OTOGL: variants seen among roughly 807,000 people sequenced by gnomAD.
OTOGL encodes otogelin like.
In OTOGL, 285 loss-of-function variants were observed where a neutral mutation model predicts 318.5. The observed-to-expected ratio is 0.89, with a 90% confidence interval of 0.81 to 0.99. The LOEUF is 0.99. Among genes scored for constraint, OTOGL ranks in the 50% least tolerant of loss-of-function variants. The pLI is 0.00. For synonymous variants in OTOGL, 987 were observed against 936.5 expected (o/e 1.05, Z -0.99); for missense variants, 2,899 against 2,845.6 (o/e 1.02, Z -0.43).
At chr12:80,120,811 A>C (rs1870444135) in intron 1 of OTOGL, among the ~76,000 whole-genome samples, 1 of 152,180 alleles carries the variant, frequency 6.6e-6, no homozygotes, top group Non-Finnish European at 1.5e-5. Flanking sequence ...CCCAGGGACT[A>C]TCTCTACCCC....
rs1275314877 is a variant in OTOGL at position 80,370,662 on chromosome 12, C to G, written c.6708C>G (p.Pro2236=). The change falls in exon 56 of 59, where the codon CCC becomes CCG. Residue 2236 remains proline (P), a synonymous_variant. Transcript: ENST00000547103. ...AIILNYTMVC[P]PFNETECKMN... ...TTCTGAACTACACAATGGTCTGTCC[C>G]CCTTTTAATGAGACTGAATGCAAAA... 1.3e-6 allele frequency: 2 copies of G among 1,588,646 alleles called. No individual in the cohort carries two copies. Among genetic ancestry groups the G allele is most frequent in the African/African-American group, 1.4e-5 (1 of 74,060 alleles).
chr12:80,255,632 A>G (rs766682452), intron 16 of OTOGL, among the ~76,000 whole-genome samples: 1 of 151,940 alleles, frequency 6.6e-6, no homozygotes, highest in East Asian at 1.9e-4. Flanking sequence ...GTTTCATAGC[A>G]TTCTAAACAG....
chr12:80,287,451 T>G (rs547858060), intron 26 of OTOGL, among the ~76,000 whole-genome samples: 1 of 151,890 alleles, frequency 6.6e-6, no homozygotes, highest in South Asian at 2.1e-4. Flanking sequence ...CTGAATATCC[T>G]TGTTAATTTT....
chr12:80,249,708 C>G (rs11503511), intron 11 of OTOGL, among the ~76,000 whole-genome samples: 12 of 152,018 alleles, frequency 7.9e-5, no homozygotes, highest in East Asian at 1.9e-4. Flanking sequence ...TCGAGCTTCC[C>G]GGCTGCTTTG....
chr12:80,166,994 G>A (rs529360175), intron 1 of OTOGL, among the ~76,000 whole-genome samples: 2 of 152,276 alleles, frequency 1.3e-5, no homozygotes, highest in Non-Finnish European at 2.9e-5. Flanking sequence ...GAATTTCGGG[G>A]AGGAATAACT....
chr12:80,319,238 A>G (rs2137826757), intron 33 of OTOGL, among the ~76,000 whole-genome samples: 1 of 152,166 alleles, frequency 6.6e-6, no homozygotes, highest in East Asian at 1.9e-4. Context: ...ACTGGTTTGC[A>G]CCTGCAGGTC....
At chr12:80,154,073 C>T (rs1872959544) in intron 1 of OTOGL, among the ~76,000 whole-genome samples, 1 of 152,136 alleles carries the variant, frequency 6.6e-6, no homozygotes, top group East Asian at 1.9e-4. Context: ...CTTTGGGAGG[C>T]CGAGGTGGGT....
intron 25 of OTOGL, 64 bp from the exon 26 acceptor site, chr12:80,278,964 G>C: frequency 6.5e-7 from 1 of 1,531,426 alleles, no homozygotes; most frequent in South Asian, 1.1e-5. Flanking sequence ...CAATGTTGCT[G>C]TCACTTGAAA....
At position 80,355,794 on chromosome 12, in the gene OTOGL, T is replaced by C. The variant is rs2071956834; in HGVS notation, c.5652T>C (p.Ile1884=). ...RTAGEIWNGG[I]DECTLYKCLE... ...CTGGGGAGATTTGGAATGGGGGCATTGATGAATGCACTCTATACAAATGTT... is the reference window on the plus strand; with the variant it reads ...CTGGGGAGATTTGGAATGGGGGCATCGATGAATGCACTCTATACAAATGTT... The change falls in exon 47 of 59, where the codon ATT becomes ATC. Residue 1884 remains isoleucine (I), a synonymous_variant. Transcript: ENST00000547103. The C allele has an allele frequency of 6.2e-7, 1 of 1,613,732 alleles. No homozygotes were observed. The highest frequency in any genetic ancestry group is 1.3e-5 in the African/African-American group (1 of 74,922).
At chr12:80,242,031 C>A (rs950076528) in intron 11 of OTOGL, among the ~76,000 whole-genome samples, 1 of 152,158 alleles carries the variant, frequency 6.6e-6, no homozygotes, top group African/African-American at 2.4e-5. Context: ...AACTTGGATA[C>A]ATGGCCACAC....
chr12:80,307,090 T>C (rs372789119), intron 29 of OTOGL, among the ~76,000 whole-genome samples: 1 of 150,394 alleles, frequency 6.6e-6, no homozygotes, highest in Non-Finnish European at 1.5e-5. Flanking sequence ...CCTGAGTGGA[T>C]ACAGCACATG....
chr12:80,308,606 C>G (rs1318647263), intron 29 of OTOGL, among the ~76,000 whole-genome samples: 1 of 152,124 alleles, frequency 6.6e-6, no homozygotes, highest in Non-Finnish European at 1.5e-5. Context: ...TTTGGGAGGC[C>G]AAGGCAGGCT....
intron 34 of OTOGL, 74 bp downstream of exon 34, chr12:80,320,774 T>A: frequency 7.2e-7 from 1 of 1,383,792 alleles, no homozygotes; most frequent in Non-Finnish European, 9.5e-7. Context: ...TGTCTTTAAT[T>A]TAAAAACCAT....
intron 26 of OTOGL, among the ~76,000 whole-genome samples, chr12:80,289,029 C>A (rs552500718): frequency 6.6e-6 from 1 of 152,100 alleles, no homozygotes; most frequent in Non-Finnish European, 1.5e-5. Flanking sequence ...TGCTCTTCTT[C>A]GTGGATTTAT....
At chr12:80,107,299 A>G (rs1303927222) in intron 1 of OTOGL, among the ~76,000 whole-genome samples, 2 of 152,352 alleles carry the variant, frequency 1.3e-5, no homozygotes, top group African/African-American at 2.4e-5. Flanking sequence ...GAAGGCATAC[A>G]TGTGGCTAAC....
chr12:80,328,254 G>A (rs749735158), intron 35 of OTOGL, among the ~76,000 whole-genome samples: 13 of 151,972 alleles, frequency 8.6e-5, no homozygotes, highest in Non-Finnish European at 1.9e-4. Context: ...AGGAGGATGA[G>A]GCTGCAGTGA....
chr12:80,358,833 G>A (rs774180891), intron 51 of OTOGL, 27 bp from the exon 52 acceptor site: 2 of 1,537,268 alleles, frequency 1.3e-6, no homozygotes, highest in Non-Finnish European at 1.8e-6. Flanking sequence ...TTTGATCAAT[G>A]TAAATATGTT....
intron 1 of OTOGL, chr12:80,208,340 T>TCAGAAGTCATTG: frequency 2.4e-6 from 1 of 419,972 alleles, no homozygotes; most frequent in South Asian, 1.7e-5. Context: ...TAGAAAAGAC[T>TCAGAAGTCATTG]CAGAAGTCAT....
At position 80,272,342 on chromosome 12, in the gene OTOGL, A is replaced by ATG. The variant is rs56364698; in HGVS notation, c.2681+578_2681+579dup. On this transcript the variant is annotated intron_variant, in intron 24 of 58. Transcript: ENST00000547103. Reference sequence around the variant, plus strand: ...TTTTAAGCCTCAATTAGGCATTGTGATGTGTGTGTGTGTGTGTGTGTGTGT... The same window carrying ATG: ...TTTTAAGCCTCAATTAGGCATTGTGATGTGTGTGTGTGTGTGTGTGTGTGTGT... 2.5e-3 allele frequency among the ~76,000 whole-genome samples: 358 copies of ATG among 145,592 alleles called. 2 individuals carry two copies. Among genetic ancestry groups the ATG allele is most frequent in the African/African-American group, 7.8e-3 (306 of 39,098 alleles).
Sources: allele counts gnomAD v4.1 joint callset (sites outside exome capture counted in the v4.1 genomes callset), GRCh38; gene constraint gnomAD v4.1.1; transcripts MANE v1.5; gene names NCBI Gene and HGNC (gene_info 2026-07-23, HGNC 2026-07-21).